The following KIF26B variants were observed in gnomAD, a reference collection of about 807,000 sequenced individuals.
The protein encoded by KIF26B is kinesin-like protein KIF26B.
Under a neutral mutation model 151.2 loss-of-function variants are expected in KIF26B, and 63 were observed. That is an observed-to-expected ratio of 0.42 (90% confidence interval 0.34 to 0.51). The LOEUF (loss-of-function observed/expected upper bound fraction) is 0.51. Among genes scored for constraint, KIF26B ranks in the 20% least tolerant of loss-of-function variants. The pLI, the probability that KIF26B is intolerant of heterozygous loss-of-function variation, is 0.07. For missense variants in KIF26B, 2,813 were observed against 2,913.6 expected, an observed-to-expected ratio of 0.97 and a Z score of 0.79; for synonymous variants, 1,357 against 1,262.1, an observed-to-expected ratio of 1.08 and a Z score of -1.59.
rs138217493 is a variant in KIF26B, at chr1:245,316,270, C to T, written c.466-50564C>T. 3.9e-3 allele frequency among the ~76,000 whole-genome samples: 590 copies of T among 152,032 alleles called. 7 individuals carry two copies. The highest frequency in any genetic ancestry group is 0.013 in the African/African-American group (555 of 41,470). ...CCAAGTAGATGGGATTACAGGCACC[C>T]GCCACCATGCCTGGCTAATTTTTTT... On this transcript the variant is annotated intron_variant, in intron 2 of 14. Coordinates refer to ENST00000407071, the MANE Select transcript of KIF26B (RefSeq NM_018012.4).
intron 10 of KIF26B, among the ~76,000 whole-genome samples, chr1:245,652,372 C>T (rs1475168447): frequency 6.6e-6 from 1 of 152,096 alleles, no homozygotes; most frequent in Non-Finnish European, 1.5e-5. Context: ...CATTTTTATA[C>T]ATTTTAGTGA....
intron 5 of KIF26B, among the ~76,000 whole-genome samples, chr1:245,588,294 G>A (rs1030437092): frequency 2.0e-5 from 3 of 152,076 alleles, no homozygotes; most frequent in South Asian, 4.2e-4. Flanking sequence ...GAGAAGACAC[G>A]TCCTCCTAAT....
chr1:245,692,733 T>C (rs1247697284), intron 12 of KIF26B, among the ~76,000 whole-genome samples: 1 of 152,232 alleles, frequency 6.6e-6, no homozygotes. Context: ...TATATTATTG[T>C]AGTTGGCAAT....
intron 5 of KIF26B, among the ~76,000 whole-genome samples, chr1:245,594,411 T>C (rs2043320227): frequency 6.6e-6 from 1 of 152,218 alleles, no homozygotes; most frequent in South Asian, 2.1e-4. Context: ...CCCAACACCA[T>C]TTATTAAATA....
chr1:245,700,656 A>C (rs533084582), intron 14 of KIF26B, among the ~76,000 whole-genome samples: 1 of 152,030 alleles, frequency 6.6e-6, no homozygotes, highest in South Asian at 2.1e-4. Context: ...AAAATAAAAA[A>C]CAGGAGGCAT....
At position 245,564,078 on chromosome 1, in the gene KIF26B, T is replaced by A. The variant is rs963617908; in HGVS notation, c.1350+23128T>A. The stretch of plus-strand genomic sequence containing the variant: ...TCACGCTGAGCTCGACACAGTCCAA[T>A]CCCAAGTACCAGTCAGGCTCCCACC... On this transcript the variant is annotated intron_variant, in intron 5 of 14. Coordinates refer to ENST00000407071, the MANE Select transcript of KIF26B (RefSeq NM_018012.4). The surrounding 1 kb of genome is among the most constrained non-coding windows in gnomAD (Gnocchi z 4.6). 6.6e-6 allele frequency among the ~76,000 whole-genome samples: 1 copy of A among 152,114 alleles called. No homozygotes were observed. The highest frequency in any genetic ancestry group is 6.6e-5 in the Admixed American group (1 of 15,264).
chr1:245,684,632 C>T (rs2044485914), intron 11 of KIF26B, among the ~76,000 whole-genome samples: 1 of 152,188 alleles, frequency 6.6e-6, no homozygotes, highest in Non-Finnish European at 1.5e-5. Flanking sequence ...AGCCTGGACC[C>T]CTGACCGGAA....
chr1:245,198,752 T>C (rs1213390465), intron 2 of KIF26B, among the ~76,000 whole-genome samples: 1 of 151,154 alleles, frequency 6.6e-6, no homozygotes, highest in Non-Finnish European at 1.5e-5. Context: ...TTGTGAGTGC[T>C]CAGTAAATGT....
In KIF26B at chr1:245,688,740, C is replaced by T. The variant is rs1355862293; in HGVS notation, c.5757C>T (p.Ser1919=). The T allele has an allele frequency of 7.5e-6, 12 of 1,606,018 alleles. No homozygotes were observed. In the South Asian group the frequency reaches 1.2e-4, roughly 16 times the overall value. ...GSASSAQDST[S]ENSSSVGGRC... ...CGTCCTCGGCGCAGGACTCCACGAGCGAGAACAGCAGCTCCGTGGGCGGCA... is the reference window on the plus strand; with the variant it reads ...CGTCCTCGGCGCAGGACTCCACGAGTGAGAACAGCAGCTCCGTGGGCGGCA... The change falls in exon 12 of 15, where the codon AGC becomes AGT. Residue 1919 remains serine (S), a synonymous_variant. Transcript: ENST00000407071.
At chr1:245,553,178 C>T (rs1661934679) in intron 5 of KIF26B, among the ~76,000 whole-genome samples, 1 of 152,246 alleles carries the variant, frequency 6.6e-6, no homozygotes, top group Non-Finnish European at 1.5e-5. Context: ...CTTCCACCAT[C>T]ACCACTCCTC....
intron 7 of KIF26B, 86 bp from the exon 8 acceptor site, chr1:245,609,180 C>A: frequency 1.6e-6 from 2 of 1,285,610 alleles, no homozygotes; most frequent in Non-Finnish European, 2.1e-6. Flanking sequence ...TGCCTTTCTT[C>A]TATATCCTTG....
intron 5 of KIF26B, among the ~76,000 whole-genome samples, chr1:245,586,908 AAC>A (rs1491347743): frequency 6.6e-6 from 1 of 150,752 alleles, no homozygotes; most frequent in African/African-American, 2.5e-5. Flanking sequence ...AAAAAAAAAA[AAC>A]ATCAAACAAT....
rs1349034241 is a variant in KIF26B at position 245,688,771 on chromosome 1, C to T, written c.5788C>T (p.Arg1930Trp). The T allele has an allele frequency of 1.9e-6, 3 of 1,597,274 alleles. No homozygotes were observed. The highest frequency in any genetic ancestry group is 2.6e-6 in the Non-Finnish European group (3 of 1,169,816). Reference protein sequence around the residue: ...ENSSSVGGRCRSLKTPKKRSN... With the variant: ...ENSSSVGGRCWSLKTPKKRSN... ...CAGCAGCTCCGTGGGCGGCAGGTGC[C>T]GGAGCCTCAAGACCCCGAAGAAACG... The change falls in exon 12 of 15, where the codon CGG (arginine) becomes TGG (tryptophan). Residue 1930 changes from arginine (R) to tryptophan (W), a missense_variant. Arg to Trp is a moderately radical substitution (Grantham distance 101, BLOSUM62 -3). Transcript: ENST00000407071.
chr1:245,570,071 G>A (rs1050574832), intron 5 of KIF26B, among the ~76,000 whole-genome samples: 3 of 150,930 alleles, frequency 2.0e-5, no homozygotes, highest in African/African-American at 7.3e-5. Context: ...GAGTAGCTGG[G>A]ACTACAGGCG....
intron 4 of KIF26B, among the ~76,000 whole-genome samples, chr1:245,539,194 A>G (rs181091717): frequency 6.6e-6 from 1 of 152,272 alleles, no homozygotes; most frequent in Admixed American, 6.5e-5. Flanking sequence ...ACAGATGAGA[A>G]CAATTAAGCT....
At chr1:245,292,549 C>G (rs1671272655) in intron 2 of KIF26B, among the ~76,000 whole-genome samples, 1 of 152,294 alleles carries the variant, frequency 6.6e-6, no homozygotes, top group African/African-American at 2.4e-5. Context: ...CATATTCCCC[C>G]CATTGGGTAC....
intron 2 of KIF26B, among the ~76,000 whole-genome samples, chr1:245,308,186 C>G (rs551064834): frequency 2.0e-5 from 3 of 152,154 alleles, no homozygotes; most frequent in African/African-American, 7.2e-5. Context: ...CCCAAAGACC[C>G]TTACAGAGAA....
rs557697328 is a variant in KIF26B at position 245,685,187 on chromosome 1, C to A, written c.2422-218C>A. 3.5e-3 allele frequency among the ~76,000 whole-genome samples: 536 copies of A among 152,368 alleles called. 4 individuals carry two copies. The highest frequency in any genetic ancestry group is 0.012 in the African/African-American group (508 of 41,584). On this transcript the variant is annotated intron_variant, in intron 11 of 14. Transcript: ENST00000407071. ...CCCCTTTCCTGAGCAGCTGTTTCCCCAGCGTGCCACACGGGGCTTCCCCTT... is the reference window on the plus strand; with the variant it reads ...CCCCTTTCCTGAGCAGCTGTTTCCCAAGCGTGCCACACGGGGCTTCCCCTT...
chr1:245,584,263 C>T (rs912215815), intron 5 of KIF26B, among the ~76,000 whole-genome samples: 1 of 152,178 alleles, frequency 6.6e-6, no homozygotes, highest in Non-Finnish European at 1.5e-5. Context: ...TGAGGCTTCC[C>T]TAGAGGCTGA....
Sources: allele counts gnomAD v4.1 joint callset (sites outside exome capture counted in the v4.1 genomes callset), GRCh38; gene constraint gnomAD v4.1.1; non-coding constraint Gnocchi (gnomAD v3.1); transcripts MANE v1.5; gene names NCBI Gene and HGNC (gene_info 2026-07-23, HGNC 2026-07-21).